Variants in OBI1 observed in about 807,000 individuals in gnomAD.
The protein encoded by OBI1 is ORC ubiquitin ligase 1.
In OBI1, 59 loss-of-function variants were observed where a neutral mutation model predicts 62.4. The observed-to-expected ratio is 0.95, with a 90% CI of 0.77 to 1.17. The LOEUF is 1.17. Among genes scored for constraint, OBI1 ranks in the 50% most tolerant of loss-of-function variants. OBI1 has a pLI of 0.00. For synonymous variants in OBI1, 302 were observed against 292.8 expected (o/e 1.03, Z -0.32); for missense variants, 875 against 830.9 (o/e 1.05, Z -0.65).
At position 78,616,099 on chromosome 13, in the gene OBI1, AGGG is replaced by A. The variant is rs1875272985; in HGVS notation, c.1659_1661del (p.Pro554del). 1.9e-6 allele frequency: 3 copies of A among 1,614,162 alleles called. No individual in the cohort carries two copies. The highest frequency in any genetic ancestry group is 2.5e-6 in the Non-Finnish European group (3 of 1,180,016). On this transcript the variant is annotated inframe_deletion, in exon 6 of 6. Transcript: ENST00000282003. Reference sequence around the variant, plus strand: ...CCAGTGACTTAAAACCGTTATTACAAGGGCTCTTGCTGTTGTCTGACTCTGACA... The same window carrying A: ...CCAGTGACTTAAAACCGTTATTACAACTCTTGCTGTTGTCTGACTCTGACA...
chr13:78,633,807 C>T (rs1205101786), intron 5 of OBI1, among the ~76,000 whole-genome samples: 1 of 152,120 alleles, frequency 6.6e-6, no homozygotes, highest in African/African-American at 2.4e-5. Context: ...GTGGCTCACG[C>T]CTGTAATCCC....
intron 1 of OBI1, among the ~76,000 whole-genome samples, chr13:78,656,774 A>T (rs1876719217): frequency 1.6e-5 from 2 of 125,092 alleles, no homozygotes; most frequent in Admixed American, 8.5e-5. Context: ...TTAATTAATT[A>T]ATTTTCTTTT....
At chr13:78,658,306 A>T (rs1180101203) in intron 1 of OBI1, among the ~76,000 whole-genome samples, 1 of 152,182 alleles carries the variant, frequency 6.6e-6, no homozygotes, top group African/African-American at 2.4e-5. Context: ...ACAAATGGAA[A>T]TGAAAGAGGA....
chr13:78,646,075 A>G (rs9601110), intron 1 of OBI1, among the ~76,000 whole-genome samples: 39,514 of 152,124 alleles, frequency 0.26, 5,476 homozygotes, highest in East Asian at 0.32. Context: ...ACAAATAAGA[A>G]AACAAAGGCA....
At chr13:78,654,930 C>T (rs557379757) in intron 1 of OBI1, among the ~76,000 whole-genome samples, 26 of 95,568 alleles carry the variant, frequency 2.7e-4, no homozygotes, top group Non-Finnish European at 4.6e-4. Context: ...ATTTCATTCT[C>T]CCCCAAATGT....
rs559562369 is a variant in OBI1, at chr13:78,615,474, A to G, written c.*106T>C. On this transcript the variant is annotated 3_prime_UTR_variant, in exon 6 of 6. Coordinates refer to ENST00000282003, the MANE Select transcript of OBI1 (RefSeq NM_024546.4). ...ATCCTGACTTGATACTTGACTAAAG[A>G]TTATCAATTCCAATTTGTATAGAAC... is the stretch of plus-strand genomic sequence containing the variant. 8.6e-5 allele frequency: 67 copies of G among 775,160 alleles called. No homozygotes were observed. In the South Asian group the frequency reaches 1.2e-3, roughly 14 times the overall value. 48.0% of individuals were successfully genotyped at this position (775,160 alleles called of 1,614,324 possible). A position where few individuals can be genotyped will look rare whatever the true frequency, so the allele number is the denominator to read the frequency against.
intron 1 of OBI1, among the ~76,000 whole-genome samples, chr13:78,647,317 T>A (rs916199867): frequency 6.6e-6 from 1 of 152,236 alleles, no homozygotes; most frequent in Non-Finnish European, 1.5e-5. Flanking sequence ...TGGAATGTCT[T>A]GGTATAAAAC....
rs1270997586 is a variant in OBI1 at position 78,616,693 on chromosome 13, T to C, written c.1068A>G (p.Thr356=). The C allele has an allele frequency of 6.2e-7, 1 of 1,614,242 alleles. No homozygotes were observed. The highest frequency in any genetic ancestry group is 1.1e-5 in the South Asian group (1 of 91,080). Residue 356 remains threonine, a synonymous_variant, in exon 6 of 6, where the codon ACA becomes ACG. Transcript: ENST00000282003. Reference sequence around the variant, plus strand: ...CCAAATAAGTATCCATACTTGTATCTGTCACATCTAACATTACTTCTACCT... The same window carrying C: ...CCAAATAAGTATCCATACTTGTATCCGTCACATCTAACATTACTTCTACCT... ...QEQVEVMLDV[T]DTSMDTYLER... is the part of the protein sequence containing the mutation.
chr13:78,635,445 G>GT (rs1875996940), intron 4 of OBI1, among the ~76,000 whole-genome samples: 1 of 152,132 alleles, frequency 6.6e-6, no homozygotes, highest in African/African-American at 2.4e-5. Flanking sequence ...ACAAAACTAT[G>GT]TTAGTTAGCT....
At position 78,635,128 on chromosome 13, in the gene OBI1, T is replaced by C. The variant is rs778772155; in HGVS notation, c.620A>G (p.Asp207Gly). 5 of 1,607,768 alleles carry C rather than the reference T, an allele frequency of 3.1e-6. No individual in the cohort carries two copies. In the South Asian group the frequency reaches 3.3e-5, roughly 11 times the overall value. ...RENLRLKAEV[D>G]NRSPQKFGRF... ...TACATACTTTTGAGGTGATCTGTTATCAACTTCAGCCTTCAGTCGTAAATT... is the reference window on the plus strand; with the variant it reads ...TACATACTTTTGAGGTGATCTGTTACCAACTTCAGCCTTCAGTCGTAAATT... Residue 207 changes from aspartate to glycine, a missense_variant, in exon 5 of 6, where the codon GAT becomes GGT. Coordinates refer to ENST00000282003, the MANE Select transcript of OBI1 (RefSeq NM_024546.4).
chr13:78,644,744 G>T lies in OBI1; in HGVS notation c.208+118C>A, dbSNP rs1876330782. The T allele has an allele frequency of 3.6e-6, 4 of 1,104,788 alleles. No individual in the cohort carries two copies. In the African/African-American group the frequency reaches 4.6e-5, roughly 13 times the overall value. The allele number at this position is 1,104,788 out of a possible 1,614,324, so 68.4% of individuals were successfully genotyped here. On this transcript the variant is annotated intron_variant, in intron 2 of 5. Coordinates refer to ENST00000282003, the MANE Select transcript of OBI1 (RefSeq NM_024546.4). Reference sequence around the variant, plus strand: ...ATTACACAAATTACTCAACCACTCAGTATTATGTTGGCCAAATAGCATCAC... The same window carrying T: ...ATTACACAAATTACTCAACCACTCATTATTATGTTGGCCAAATAGCATCAC...
In OBI1 at chr13:78,615,314, C is replaced by A; in HGVS notation, c.*266G>T. On this transcript the variant is annotated 3_prime_UTR_variant, in exon 6 of 6. Coordinates refer to ENST00000282003, the MANE Select transcript of OBI1 (RefSeq NM_024546.4). ...AAACAAAACCAAAAACAAAACCAAC[C>A]AACCAACCAACCCCAAAACACAAAA... 1 of 300,090 alleles carries A rather than the reference C, an allele frequency of 3.3e-6. No homozygotes were observed. Among genetic ancestry groups the A allele is most frequent in the Non-Finnish European group, 6.1e-6 (1 of 164,818 alleles). The allele number at this position is 300,090 out of a possible 1,614,324, so 18.6% of individuals were successfully genotyped here.
Position 78,615,900 on chromosome 13 carries a change from C to T in OBI1, c.1861G>A (p.Glu621Lys). 1 of 1,614,086 alleles carries T rather than the reference C, an allele frequency of 6.2e-7. No homozygotes were observed. The highest frequency in any genetic ancestry group is 8.5e-7 in the Non-Finnish European group (1 of 1,179,994). The change falls in exon 6 of 6, where the codon GAA becomes AAA. Residue 621 changes from glutamate to lysine, a missense_variant. Physicochemically the swap from Glu to Lys is moderately conservative, Grantham distance 56 (BLOSUM62 1). Coordinates refer to ENST00000282003, the MANE Select transcript of OBI1 (RefSeq NM_024546.4). ...TGGAGTGAAAAATCTTCATTCATTT[C>T]TTGGTCAGATGGAGAGAGGAGAAAA... ...SFFLLSPSDQEMNEDFSLHSS... is the reference protein window; with the variant it reads ...SFFLLSPSDQKMNEDFSLHSS...
intron 5 of OBI1, among the ~76,000 whole-genome samples, chr13:78,633,922 C>A (rs1875934009): frequency 6.6e-6 from 1 of 151,766 alleles, no homozygotes; most frequent in South Asian, 2.1e-4. Context: ...AAAAAATTAG[C>A]CGGGCGAGGT....
intron 5 of OBI1, among the ~76,000 whole-genome samples, chr13:78,625,332 C>A (rs1362542445): frequency 6.6e-6 from 1 of 152,176 alleles, no homozygotes; most frequent in Non-Finnish European, 1.5e-5. Context: ...GGATTAGTAT[C>A]TACCTGTCTA....
Position 78,616,178 on chromosome 13 carries a change from G to A in OBI1, c.1583C>T (p.Ala528Val). 6.2e-7 allele frequency: 1 copy of A among 1,614,104 alleles called. No individual in the cohort carries two copies. Among genetic ancestry groups the A allele is most frequent in the Non-Finnish European group, 8.5e-7 (1 of 1,179,994 alleles). The stretch of plus-strand genomic sequence containing the variant: ...GTCAAGGTAAGCAGCATCCATCGAT[G>A]CTTCACTGGATGTTCTTGTCCGGTT... ...EMNRTRTSSE[A>V]SMDAAYLDKI... The change falls in exon 6 of 6, where the codon GCA (alanine) becomes GTA (valine). Residue 528 changes from alanine to valine, a missense_variant. Coordinates refer to ENST00000282003, the MANE Select transcript of OBI1 (RefSeq NM_024546.4).
chr13:78,632,827 C>T (rs1482920978), intron 5 of OBI1, among the ~76,000 whole-genome samples: 3 of 152,098 alleles, frequency 2.0e-5, no homozygotes, highest in East Asian at 1.9e-4. Context: ...ATCTGGAATA[C>T]GGTTTTCAGC....
chr13:78,647,619 A>T (rs1349091301), intron 1 of OBI1, among the ~76,000 whole-genome samples: 1 of 152,220 alleles, frequency 6.6e-6, no homozygotes, highest in Non-Finnish European at 1.5e-5. Flanking sequence ...ATCAATAAAT[A>T]CTGAGGGAAC....
At chr13:78,652,133 C>T (rs892902008) in intron 1 of OBI1, among the ~76,000 whole-genome samples, 3 of 151,964 alleles carry the variant, frequency 2.0e-5, no homozygotes, top group East Asian at 1.9e-4. Flanking sequence ...GGGAAGATTT[C>T]GGAAACAGGT....
Sources: gnomAD v4.1 joint callset for allele counts (sites outside exome capture counted in the v4.1 genomes callset) on GRCh38, gnomAD v4.1.1 for gene constraint, MANE v1.5 for transcripts, NCBI Gene and HGNC (gene_info 2026-07-23, HGNC 2026-07-21) for gene names.